Variants in LRFN5 observed in about 807,000 individuals in gnomAD.
LRFN5 encodes leucine-rich repeat and fibronectin type-III domain-containing protein 5.
In LRFN5, 24 loss-of-function variants were observed where a neutral mutation model predicts 45.6. That is an observed-to-expected ratio of 0.53 (90% confidence interval 0.38 to 0.74). LRFN5 has a LOEUF of 0.74. Among genes scored for constraint, LRFN5 ranks in the 30% least tolerant of loss-of-function variants. The pLI is 0.00. For missense variants in LRFN5, 776 were observed against 861.5 expected, an observed-to-expected ratio of 0.90 and a Z score of 1.24; for synonymous variants, 340 against 313.8, an observed-to-expected ratio of 1.08 and a Z score of -0.88.
At chr14:41,803,353 C>CT (rs988140553) in intron 2 of LRFN5, among the ~76,000 whole-genome samples, 26 of 148,592 alleles carry the variant, frequency 1.7e-4, no homozygotes, top group African/African-American at 2.7e-4. Context: ...GTGCATATAG[C>CT]TTTTTTTTTT....
intron 2 of LRFN5, among the ~76,000 whole-genome samples, chr14:41,806,760 AC>A (rs1261465106): frequency 5.3e-5 from 8 of 152,150 alleles, no homozygotes; most frequent in African/African-American, 1.4e-4. Context: ...CAGGAAGTAC[AC>A]CTGCCTGCTT....
intron 2 of LRFN5, among the ~76,000 whole-genome samples, chr14:41,848,827 C>A (rs562810074): frequency 6.6e-6 from 1 of 151,972 alleles, no homozygotes; most frequent in African/African-American, 2.4e-5. Flanking sequence ...GCTTCTTGTG[C>A]CTGTATTGTG....
At chr14:41,826,321 G>C (rs1222878427) in intron 2 of LRFN5, among the ~76,000 whole-genome samples, 1 of 152,130 alleles carries the variant, frequency 6.6e-6, no homozygotes, top group East Asian at 1.9e-4. Flanking sequence ...CCTTACACAT[G>C]AAGTTCCAAT....
intron 1 of LRFN5, among the ~76,000 whole-genome samples, chr14:41,704,408 TTCTCTCTC>T (rs141458106): frequency 3.0e-4 from 31 of 102,316 alleles, no homozygotes; most frequent in Non-Finnish European, 4.1e-4. Context: ...TGTTATACTT[TTCTCTCTC>T]TCTCTCTCTC....
chr14:41,804,106 C>T (rs562830660), intron 2 of LRFN5, among the ~76,000 whole-genome samples: 16 of 152,182 alleles, frequency 1.1e-4, no homozygotes, highest in African/African-American at 2.2e-4. Context: ...TCAAGTGATC[C>T]GCCCAAAGCC....
At chr14:41,674,422 G>C (rs1881471653) in intron 1 of LRFN5, among the ~76,000 whole-genome samples, 1 of 133,998 alleles carries the variant, frequency 7.5e-6, no homozygotes. Context: ...TGGCCGGGCA[G>C]AGGAGCTCCT....
chr14:41,635,867 G>A (rs1190669461), intron 1 of LRFN5, among the ~76,000 whole-genome samples: 4 of 152,014 alleles, frequency 2.6e-5, no homozygotes, highest in African/African-American at 9.7e-5. Context: ...TCCAGAATCT[G>A]TCCATACTAG....
chr14:41,712,282 C>T lies in LRFN5; in HGVS notation c.-196-54572C>T, dbSNP rs183480881. 4.6e-3 allele frequency among the ~76,000 whole-genome samples: 627 copies of T among 136,394 alleles called. 1 individual carries two copies. The highest frequency in any genetic ancestry group is 7.6e-3 in the Middle Eastern group (2 of 264). 89.5% of individuals were successfully genotyped at this position (136,394 alleles called of 152,430 possible). A position where few individuals can be genotyped will look rare whatever the true frequency, so the allele number is the denominator to read the frequency against. ...TTTTCATTAAGAAAAAGGTTTTGGG[C>T]CAGGCGCAGTGGCTTACACCTATAA... On this transcript the variant is annotated intron_variant, in intron 1 of 5. Transcript: ENST00000298119.
chr14:41,609,526 CT>C (rs555558098), intron 1 of LRFN5, among the ~76,000 whole-genome samples: 1 of 152,086 alleles, frequency 6.6e-6, no homozygotes, highest in African/African-American at 2.4e-5. Flanking sequence ...ACCCTGGCGC[CT>C]TTTTTTCCCC....
chr14:41,674,834 T>G lies in LRFN5; in HGVS notation c.-197+66272T>G, dbSNP rs1490915049. On this transcript the variant is annotated intron_variant, in intron 1 of 5. Transcript: ENST00000298119. ...GGCGGCTGCCGGGAGGAGGGGCTCCTCACTTCTCAGACGGGGCGGTTGCCG... is the reference window on the plus strand; with the variant it reads ...GGCGGCTGCCGGGAGGAGGGGCTCCGCACTTCTCAGACGGGGCGGTTGCCG... Among the ~76,000 whole-genome samples, 3 of 150,160 alleles carry G rather than the reference T, an allele frequency of 2.0e-5. No homozygotes were observed. The East Asian group carries it at 6.0e-4, about 30-fold the overall frequency.
intron 1 of LRFN5, among the ~76,000 whole-genome samples, chr14:41,734,736 A>C (rs73311031): frequency 0.045 from 6,871 of 151,326 alleles, 341 homozygotes; most frequent in African/African-American, 0.12. Context: ...ATCATTTGTT[A>C]TCTCTTCCTT....
At chr14:41,875,067 G>A (rs76218304) in intron 2 of LRFN5, among the ~76,000 whole-genome samples, 2,629 of 152,256 alleles carry the variant, frequency 0.017, 69 homozygotes, top group African/African-American at 0.059. Context: ...ATTTGGGTGG[G>A]GAGAAAGTCA....
intron 2 of LRFN5, among the ~76,000 whole-genome samples, chr14:41,773,561 G>C (rs1886166466): frequency 6.7e-6 from 1 of 149,848 alleles, no homozygotes; most frequent in African/African-American, 2.5e-5. Context: ...CTCTCTCTTT[G>C]TCTCTCTCTC....
chr14:41,821,899 G>A (rs1477987336), intron 2 of LRFN5, among the ~76,000 whole-genome samples: 1 of 151,830 alleles, frequency 6.6e-6, no homozygotes, highest in Admixed American at 6.6e-5. Flanking sequence ...GAGGTTGGAT[G>A]TTTCCAGGAA....
At chr14:41,664,346 A>G (rs568123024) in intron 1 of LRFN5, among the ~76,000 whole-genome samples, 1 of 152,068 alleles carries the variant, frequency 6.6e-6, no homozygotes, top group East Asian at 1.9e-4. Flanking sequence ...ATCAATTTTC[A>G]GTTGTCTGTG....
intron 2 of LRFN5, among the ~76,000 whole-genome samples, chr14:41,882,577 C>A (rs925204948): frequency 3.5e-4 from 53 of 152,164 alleles, no homozygotes; most frequent in African/African-American, 1.3e-3. Context: ...GAGAAGTGAT[C>A]TCTACCCTCT....
chr14:41,897,701 T>G (rs965942164), intron 4 of LRFN5, among the ~76,000 whole-genome samples: 2 of 152,132 alleles, frequency 1.3e-5, no homozygotes, highest in African/African-American at 4.8e-5. Context: ...AAATTTAATT[T>G]TCTGCATTTT....
chr14:41,771,358 T>C (rs926722283), intron 2 of LRFN5, among the ~76,000 whole-genome samples: 1 of 151,978 alleles, frequency 6.6e-6, no homozygotes, highest in Admixed American at 6.5e-5. Flanking sequence ...TAGCACATGG[T>C]TGCTCCATCG....
At chr14:41,734,586 A>G (rs981683926) in intron 1 of LRFN5, among the ~76,000 whole-genome samples, 1 of 150,040 alleles carries the variant, frequency 6.7e-6, no homozygotes, top group Admixed American at 6.7e-5. Flanking sequence ...GCAGTATACA[A>G]TGGAGTCTTG....
Sources: gnomAD v4.1 joint callset for allele counts (sites outside exome capture counted in the v4.1 genomes callset) on GRCh38, gnomAD v4.1.1 for gene constraint, MANE v1.5 for transcripts, NCBI Gene and HGNC (gene_info 2026-07-23, HGNC 2026-07-21) for gene names.